GCN1: variants seen among roughly 807,000 people sequenced by gnomAD.
GCN1 encodes the protein stalled ribosome sensor GCN1.
GCN1 carries 90 observed loss-of-function variants against 288.4 expected under a neutral mutation model. That is an observed-to-expected ratio of 0.31 (90% CI 0.26 to 0.37). The LOEUF is 0.37. Among genes scored for constraint, GCN1 ranks in the 10% least tolerant of loss-of-function variants. The pLI, the probability that GCN1 is intolerant of heterozygous loss-of-function variation, is 1.00. For missense variants in GCN1, 2,586 were observed against 3,419.9 expected, an observed-to-expected ratio of 0.76 and a Z score of 6.08; for synonymous variants, 1,386 against 1,420.2, an observed-to-expected ratio of 0.98 and a Z score of 0.54.
At chr12:120,175,698 C>A in intron 11 of GCN1, 48 bp downstream of exon 11, 4 of 1,575,356 alleles carry the variant, frequency 2.5e-6, no homozygotes, top group Non-Finnish European at 3.4e-6. Flanking sequence ...GAGGGAAATA[C>A]CAGGGGCCAC....
At position 120,162,185 on chromosome 12, in the gene GCN1, T is replaced by C. The variant is rs150049453; in HGVS notation, c.2164-127A>G. The stretch of plus-strand genomic sequence containing the variant: ...CCACTGCCTTGTTACTCCTGGGCAA[T>C]GCCCATCACAGTGGCCGGCTGGAGT... On this transcript the variant is annotated intron_variant, in intron 20 of 57. Coordinates refer to ENST00000300648, the MANE Select transcript of GCN1 (RefSeq NM_006836.2). 1,382 of 753,884 alleles carry C rather than the reference T, an allele frequency of 1.8e-3. 4 individuals are homozygous for C. Among genetic ancestry groups the C allele is most frequent in the Admixed American group, 4.7e-3 (180 of 38,456 alleles). The allele number at this position is 753,884 out of a possible 1,614,324, so 46.7% of individuals were successfully genotyped here.
Position 120,155,573 on chromosome 12 carries a change from G to A in GCN1, c.3440+19C>T, listed in dbSNP as rs374962013. On this transcript the variant is annotated intron_variant, in intron 29 of 57. Coordinates refer to ENST00000300648, the MANE Select transcript of GCN1 (RefSeq NM_006836.2). The surrounding 1 kb of genome is among the most constrained non-coding windows in gnomAD (Gnocchi z 4.9). ...AAGAGAGGATGCAGCAGGAGAAAGC[G>A]ACATGCTGGCTCTCTCACCTCTCAG... is the stretch of plus-strand genomic sequence containing the variant. The A allele has an allele frequency of 3.0e-5, 49 of 1,613,504 alleles. No individual in the cohort carries two copies. In the Middle Eastern group the frequency reaches 9.9e-4, roughly 33 times the overall value.
intron 5 of GCN1, 46 bp from the exon 6 acceptor site, chr12:120,178,996 G>A: frequency 6.7e-7 from 1 of 1,491,714 alleles, no homozygotes; most frequent in East Asian, 2.3e-5. Flanking sequence ...ACATGAGACT[G>A]AGGGTCCCAT....
intron 11 of GCN1, 129 bp from the exon 12 acceptor site, chr12:120,175,341 C>T (rs971245271): frequency 3.3e-6 from 3 of 903,340 alleles, no homozygotes; most frequent in African/African-American, 3.3e-5. Context: ...TGTTGTGAAG[C>T]TGGGTTTAAA....
chr12:120,178,401 A>C (rs1216947746), intron 7 of GCN1, among the ~76,000 whole-genome samples: 2 of 152,238 alleles, frequency 1.3e-5, no homozygotes, highest in East Asian at 3.8e-4. Context: ...TGCATGAACA[A>C]GCAAACTATC....
rs200084395 is a variant in GCN1 at position 120,183,662 on chromosome 12, A to G, written c.333T>C (p.Ser111=). ...KAGVPSKSSG[S]AALLALTWTC... ...TCCAGGTCAAGGCCAGCAAGGCGGC[A>G]GAGCCACTGCTCTTACTGCAGAGCA... Residue 111 remains serine, a synonymous_variant, in exon 5 of 58, where the codon TCT becomes TCC. Transcript: ENST00000300648. 7.0e-5 allele frequency: 113 copies of G among 1,610,280 alleles called. 1 individual carries two copies. In the East Asian group the frequency reaches 2.3e-3, roughly 33 times the overall value.
chr12:120,162,496 C>T (rs955256942), intron 20 of GCN1, among the ~76,000 whole-genome samples: 1 of 152,208 alleles, frequency 6.6e-6, no homozygotes, highest in African/African-American at 2.4e-5. Flanking sequence ...GGAACTCTAG[C>T]AGCTCTTGTG....
At chr12:120,190,432 A>G in intron 1 of GCN1, 32 bp from the exon 2 acceptor site, 1 of 1,130,084 alleles carries the variant, frequency 8.8e-7, no homozygotes, top group Non-Finnish European at 1.4e-6. Context: ...AAAATTCACT[A>G]GTCAGACTAT....
rs528365664 is a variant in GCN1 at position 120,189,657 on chromosome 12, G to A, written c.121+641C>T. 5.3e-5 allele frequency among the ~76,000 whole-genome samples: 8 copies of A among 149,738 alleles called. No individual in the cohort carries two copies. In the East Asian group the frequency reaches 1.3e-3, roughly 24 times the overall value. On this transcript the variant is annotated intron_variant, in intron 2 of 57. Transcript: ENST00000300648. ...GCTGGGATTACAGGCGTGAGCCACC[G>A]TGCCTGGCCAAGGCCATGGTTCTAA...
chr12:120,130,723 T>G lies in GCN1; in HGVS notation c.7594A>C (p.Met2532Leu). 1 of 1,613,888 alleles carries G rather than the reference T, an allele frequency of 6.2e-7. No homozygotes were observed. Among genetic ancestry groups the G allele is most frequent in the Non-Finnish European group, 8.5e-7 (1 of 1,179,852 alleles). Reference sequence around the variant, plus strand: ...ATGTGGTGTCTCATGAGAAAGCCCATGCCCCGGACCCCGCTCACCGCAATG... The same window carrying G: ...ATGTGGTGTCTCATGAGAAAGCCCAGGCCCCGGACCCCGCTCACCGCAATG... The part of the protein sequence containing the change: ...IPIAVSGVRG[M>L]GFLMRHHIET... Residue 2532 changes from methionine to leucine, a missense_variant, in exon 56 of 58, where the codon ATG (methionine) becomes CTG (leucine). Around this residue, in one of 8 missense-constraint regions of GCN1, gnomAD observed 355 missense variants for 431.1 expected, o/e 0.82. Coordinates refer to ENST00000300648, the MANE Select transcript of GCN1 (RefSeq NM_006836.2).
In GCN1 at chr12:120,147,262, T is replaced by C. The variant is rs778552468; in HGVS notation, c.4737A>G (p.Pro1579=). ...GATCCGTCAGGGCATCCAGGAGGAC[T>C]GGAGCAATGGCTGCACATCCAAAGA... ...IRNPEILAIA[P]VLLDALTDPS... Residue 1579 remains proline, a synonymous_variant, in exon 38 of 58, where the codon CCA becomes CCG. Transcript: ENST00000300648. The C allele has an allele frequency of 6.3e-7, 1 of 1,590,510 alleles. No individual in the cohort carries two copies. The highest frequency in any genetic ancestry group is 8.6e-7 in the Non-Finnish European group (1 of 1,162,452).
Position 120,131,894 on chromosome 12 carries a change from GT to G in GCN1, c.7414+31del, listed in dbSNP as rs757249807. 4.3e-6 allele frequency: 6 copies of G among 1,392,780 alleles called. No homozygotes were observed. The East Asian group carries it at 9.4e-5, about 22-fold the overall frequency. 86.3% of individuals were successfully genotyped at this position (1,392,780 alleles called of 1,614,324 possible). On this transcript the variant is annotated intron_variant, in intron 54 of 57. Coordinates refer to ENST00000300648, the MANE Select transcript of GCN1 (RefSeq NM_006836.2). ...TCTTCGCTAGGGCTGAGAGGCCCAG[GT>G]CCCTGAAGGGGAACTCTCCAGTGTA...
intron 1 of GCN1, among the ~76,000 whole-genome samples, chr12:120,191,662 T>C (rs981395542): frequency 6.6e-6 from 1 of 152,244 alleles, no homozygotes; most frequent in Non-Finnish European, 1.5e-5. Context: ...TGTCCAAAAC[T>C]GTCTTCTACA....
chr12:120,142,962 A>ACAGT lies in GCN1; in HGVS notation c.5496-25_5496-22dup. ...TGAACCTGAGAAGGAGGCCAACAAC[A>ACAGT]CAGTCACACAGCTGCAAGGAGTGGG... is the stretch of plus-strand genomic sequence containing the variant. On this transcript the variant is annotated intron_variant, in intron 42 of 57. Coordinates refer to ENST00000300648, the MANE Select transcript of GCN1 (RefSeq NM_006836.2). This position sits in a 1 kb window ranked among gnomAD's most constrained non-coding sequence, Gnocchi z 4.9. 1 of 1,421,226 alleles carries ACAGT rather than the reference A, an allele frequency of 7.0e-7. No individual in the cohort carries two copies. Among genetic ancestry groups the ACAGT allele is most frequent in the Non-Finnish European group, 1.0e-6 (1 of 1,004,032 alleles). 88.0% of individuals were successfully genotyped at this position (1,421,226 alleles called of 1,614,324 possible). A position where few individuals can be genotyped will look rare whatever the true frequency, so the allele number is the denominator to read the frequency against.
intron 39 of GCN1, 23 bp downstream of exon 39, chr12:120,145,238 TC>T: frequency 1.9e-6 from 3 of 1,575,144 alleles, no homozygotes; most frequent in South Asian, 1.2e-5. Flanking sequence ...GCCTGGCCCA[TC>T]CCCCAGCCTA....
At chr12:120,170,808 T>C (rs1878289676) in intron 14 of GCN1, among the ~76,000 whole-genome samples, 7 of 151,872 alleles carry the variant, frequency 4.6e-5, no homozygotes, top group Admixed American at 4.6e-4. Context: ...CAGATGACCT[T>C]CGGACCCAAA....
chr12:120,156,890 A>G lies in GCN1; in HGVS notation c.3168+22T>C. 6.5e-7 allele frequency: 1 copy of G among 1,533,916 alleles called. No individual in the cohort carries two copies. The highest frequency in any genetic ancestry group is 9.0e-7 in the Non-Finnish European group (1 of 1,106,780). On this transcript the variant is annotated intron_variant, in intron 27 of 57. Coordinates refer to ENST00000300648, the MANE Select transcript of GCN1 (RefSeq NM_006836.2). This position sits in a 1 kb window ranked among gnomAD's most constrained non-coding sequence, Gnocchi z 5.8. ...GGGTCACGAACTGAGTCACAGCAACAGCCAACTGAAAACCACATCACCTGT... is the reference window on the plus strand; with the variant it reads ...GGGTCACGAACTGAGTCACAGCAACGGCCAACTGAAAACCACATCACCTGT...
At chr12:120,131,377 A>C (rs1021945432) in intron 54 of GCN1, 44 bp from the exon 55 acceptor site, 1 of 1,603,308 alleles carries the variant, frequency 6.2e-7, no homozygotes. Context: ...ATTTTACAGC[A>C]TGTCCCCAGC....
Position 120,155,149 on chromosome 12 carries a change from C to T in GCN1, c.3630+92G>A. 6.5e-7 allele frequency: 1 copy of T among 1,529,776 alleles called. No homozygotes were observed. Among genetic ancestry groups the T allele is most frequent in the Non-Finnish European group, 9.1e-7 (1 of 1,103,952 alleles). The allele number at this position is 1,529,776 out of a possible 1,614,324, so 94.8% of individuals were successfully genotyped here. On this transcript the variant is annotated intron_variant, in intron 30 of 57. Transcript: ENST00000300648. This position sits in a 1 kb window ranked among gnomAD's most constrained non-coding sequence, Gnocchi z 4.9. ...CAGCTACCCTGAGCCACCGTGAGCC[C>T]CGAGATTCCTGTCTGGAGCAGTAGC... is the stretch of plus-strand genomic sequence containing the variant.
Sources: allele counts gnomAD v4.1 joint callset (sites outside exome capture counted in the v4.1 genomes callset), GRCh38; gene constraint gnomAD v4.1.1; regional missense constraint gnomAD v4.1.1; non-coding constraint Gnocchi (gnomAD v3.1); transcripts MANE v1.5; gene names NCBI Gene and HGNC (gene_info 2026-07-23, HGNC 2026-07-21).